COL21A1: variants seen among roughly 807,000 people sequenced by gnomAD.
COL21A1 encodes collagen alpha-1(XXI) chain.
Under a neutral mutation model 137.9 loss-of-function variants are expected in COL21A1, and 149 were observed. The ratio of observed to expected loss-of-function variants is 1.08; its 90% confidence interval spans 0.95 to 1.24. The LOEUF is 1.24. Ranked by LOEUF, COL21A1 falls within the 50% of genes most tolerant of loss-of-function variation. The pLI is 0.00. For synonymous variants in COL21A1, 456 were observed against 391.5 expected (o/e 1.16, Z -1.95); for missense variants, 1,167 against 1,158.4 (o/e 1.01, Z -0.11).
At chr6:56,195,283 A>G (rs988167337) in intron 1 of COL21A1, among the ~76,000 whole-genome samples, 1 of 152,110 alleles carries the variant, frequency 6.6e-6, no homozygotes, top group Non-Finnish European at 1.5e-5. Flanking sequence ...TGGTCCATAG[A>G]CCATACTTTG....
chr6:56,314,281 C>A lies in COL21A1; in HGVS notation c.-39+79690G>T, dbSNP rs541884420. Among the ~76,000 whole-genome samples, 18 of 152,232 alleles carry A rather than the reference C, an allele frequency of 1.2e-4. 1 individual carries two copies. In the South Asian group the frequency reaches 3.7e-3, roughly 32 times the overall value. On this transcript the variant is annotated intron_variant, in intron 1 of 28. Transcript: ENST00000370819. ...TACAGGCGTGAGCCACCGCACCTGG[C>A]CAGAAGGTATCCTTTTAAATTGTAT...
chr6:56,308,950 A>G (rs547847954), intron 1 of COL21A1, among the ~76,000 whole-genome samples: 10 of 152,116 alleles, frequency 6.6e-5, no homozygotes, highest in Non-Finnish European at 1.5e-4. Context: ...TAGATTTACT[A>G]TCATAGTCAG....
intron 1 of COL21A1, among the ~76,000 whole-genome samples, chr6:56,258,632 A>C (rs1328085095): frequency 6.6e-6 from 1 of 152,034 alleles, no homozygotes; most frequent in Non-Finnish European, 1.5e-5. Context: ...ACATCTCTAG[A>C]CCTGTTTTGG....
chr6:56,249,514 T>C (rs1189535029), upstream of COL21A1, among the ~76,000 whole-genome samples: 1 of 152,200 alleles, frequency 6.6e-6, no homozygotes, highest in Non-Finnish European at 1.5e-5. Flanking sequence ...ATCGCTACAA[T>C]GGAATATTAT....
chr6:56,191,018 G>T (rs1778637689), intron 1 of COL21A1, among the ~76,000 whole-genome samples: 1 of 152,092 alleles, frequency 6.6e-6, no homozygotes, highest in African/African-American at 2.4e-5. Flanking sequence ...GGCAAAAACT[G>T]GAAGCATTCC....
chr6:56,375,443 C>A (rs2152351026), intron 1 of COL21A1, among the ~76,000 whole-genome samples: 1 of 152,280 alleles, frequency 6.6e-6, no homozygotes, highest in South Asian at 2.1e-4. Flanking sequence ...TTCCCTGCCT[C>A]CTTCCTGGCC....
At position 56,077,549 on chromosome 6, in the gene COL21A1, G is replaced by C; in HGVS notation, c.1837C>G (p.Arg613Gly). 6.3e-7 allele frequency: 1 copy of C among 1,575,720 alleles called. No individual in the cohort carries two copies. Among genetic ancestry groups the C allele is most frequent in the Non-Finnish European group, 8.6e-7 (1 of 1,160,052 alleles). Residue 613 changes from arginine (R) to glycine (G), a missense_variant, in exon 18 of 30, where the codon CGA (arginine) becomes GGA (glycine). Transcript: ENST00000244728. ...CTTACCTTTTGGCCCATTAATCCTC[G>C]GTTTCCAGGAAATCCTGGGATTCCC... ...EPGIPGFPGN[R>G]GLMGQKGEIG...
At chr6:56,077,604 A>T (rs751395762) in intron 17 of COL21A1, 31 bp from the exon 18 acceptor site, 9 of 1,384,050 alleles carry the variant, frequency 6.5e-6, no homozygotes, top group Non-Finnish European at 8.9e-6. Flanking sequence ...TTTTTAACTT[A>T]TAAAAAATTG....
chr6:56,319,411 C>T (rs1477732679), intron 1 of COL21A1, among the ~76,000 whole-genome samples: 3 of 152,178 alleles, frequency 2.0e-5, no homozygotes, highest in Non-Finnish European at 2.9e-5. Flanking sequence ...ACTCTCTGCT[C>T]ATTGCAACCT....
intron 1 of COL21A1, among the ~76,000 whole-genome samples, chr6:56,373,210 T>C (rs748988759): frequency 2.0e-5 from 3 of 152,218 alleles, no homozygotes; most frequent in Non-Finnish European, 4.4e-5. Flanking sequence ...TTTAGAGCCA[T>C]ATTCCAGTTG....
chr6:56,075,837 T>C (rs544249641), intron 18 of COL21A1, among the ~76,000 whole-genome samples: 3 of 151,642 alleles, frequency 2.0e-5, no homozygotes, highest in East Asian at 3.9e-4. Context: ...AAAATTTTTC[T>C]ATTTATCATA....
intron 2 of COL21A1, among the ~76,000 whole-genome samples, chr6:56,181,808 C>A (rs1182010587): frequency 1.3e-5 from 2 of 152,082 alleles, no homozygotes; most frequent in African/African-American, 2.4e-5. Context: ...AGCCCCTTAA[C>A]TTATTAAAAT....
In COL21A1 at chr6:56,182,494, G is replaced by A. The variant is rs142801835; in HGVS notation, c.88+37C>T. 96 of 1,349,340 alleles carry A rather than the reference G, an allele frequency of 7.1e-5. No individual in the cohort carries two copies. In the East Asian group the frequency reaches 2.1e-3, roughly 29 times the overall value. 83.6% of individuals were successfully genotyped at this position (1,349,340 alleles called of 1,614,324 possible). ...CCTAGTTTAATTTCCAGATTAATTT[G>A]TTGATAACAAAAAAGGACAATGCTG... On this transcript the variant is annotated intron_variant, in intron 2 of 29. Transcript: ENST00000244728.
chr6:56,256,769 G>A (rs9296835), intron 1 of COL21A1, among the ~76,000 whole-genome samples: 60,029 of 151,540 alleles, frequency 0.4, 13,395 homozygotes, highest in African/African-American at 0.59. Flanking sequence ...TATACTCTTC[G>A]CAGTCCCACA....
intron 1 of COL21A1, among the ~76,000 whole-genome samples, chr6:56,344,288 ACT>A (rs1399440097): frequency 6.6e-6 from 1 of 151,942 alleles, no homozygotes; most frequent in Non-Finnish European, 1.5e-5. Context: ...AATACCAAAA[ACT>A]CTATTTCCAG....
At chr6:56,276,781 G>T (rs1406359476) in intron 1 of COL21A1, 3 of 1,116,322 alleles carry the variant, frequency 2.7e-6, no homozygotes, top group Non-Finnish European at 4.0e-6. Flanking sequence ...GCTAATTCTG[G>T]TTGTTCAGTG....
At chr6:56,095,728 T>C (rs1385798601) in intron 17 of COL21A1, among the ~76,000 whole-genome samples, 1 of 152,206 alleles carries the variant, frequency 6.6e-6, no homozygotes, top group Non-Finnish European at 1.5e-5. Context: ...GCCAAACAAC[T>C]AGCACACTCA....
At chr6:56,357,195 G>A (rs548029768) in intron 1 of COL21A1, among the ~76,000 whole-genome samples, 59 of 152,042 alleles carry the variant, frequency 3.9e-4, no homozygotes, top group African/African-American at 5.1e-4. Context: ...TGAATAATCC[G>A]TAAATTAGAG....
rs544594822 is a variant in COL21A1 at position 56,121,653 on chromosome 6, T to C, written c.1758+2409A>G. 2.1e-4 allele frequency among the ~76,000 whole-genome samples: 31 copies of C among 151,116 alleles called. No individual in the cohort carries two copies. In the South Asian group the frequency reaches 6.0e-3, roughly 29 times the overall value. On this transcript the variant is annotated intron_variant, in intron 16 of 29. Coordinates refer to ENST00000244728, the MANE Select transcript of COL21A1 (RefSeq NM_030820.4). ...TTAACTCTAACATAAACTATGAACC[T>C]TGGGTAATAGTGATGTGTCAATTGT...
Sources: allele counts gnomAD v4.1 joint callset (sites outside exome capture counted in the v4.1 genomes callset), GRCh38; gene constraint gnomAD v4.1.1; transcripts MANE v1.5; gene names NCBI Gene and HGNC (gene_info 2026-07-23, HGNC 2026-07-21).